SSBP2: variants seen among roughly 807,000 people sequenced by gnomAD.
The protein encoded by SSBP2 is single stranded DNA binding protein 2.
A neutral mutation model predicts 61.8 loss-of-function variants in SSBP2; 17 were observed. The ratio of observed to expected loss-of-function variants is 0.28; its 90% CI spans 0.19 to 0.41. The LOEUF is 0.41. Ranked by LOEUF, SSBP2 falls within the 10% of genes least tolerant of loss-of-function variation. The probability of loss-of-function intolerance (pLI) is 1.00; values close to 1 mark genes in which losing one functional copy is unlikely to be tolerated. For synonymous variants in SSBP2, 139 were observed against 141.3 expected, an observed-to-expected ratio of 0.98 and a Z score of 0.12; for missense variants, 310 against 458.7, an observed-to-expected ratio of 0.68 and a Z score of 2.96.
At chr5:81,472,263 T>A (rs1765297403) in intron 8 of SSBP2, among the ~76,000 whole-genome samples, 1 of 152,148 alleles carries the variant, frequency 6.6e-6, no homozygotes, top group Non-Finnish European at 1.5e-5. Context: ...CAAGAAGCTT[T>A]CCCAAGAGAG....
intron 10 of SSBP2, among the ~76,000 whole-genome samples, chr5:81,458,279 G>T (rs141844688): frequency 1.4e-4 from 21 of 152,252 alleles, no homozygotes; most frequent in Middle Eastern, 3.4e-3. Context: ...TTAGAAAATA[G>T]CATTACATCA....
At chr5:81,451,540 C>T (rs2153980495) in intron 10 of SSBP2, among the ~76,000 whole-genome samples, 1 of 152,276 alleles carries the variant, frequency 6.6e-6, no homozygotes, top group South Asian at 2.1e-4. Context: ...GATTGTCCTG[C>T]CTCAGCCTCC....
rs144252433 is a variant in SSBP2, at chr5:81,463,520, C to T, written c.639-2417G>A. Among the ~76,000 whole-genome samples the T allele has an allele frequency of 7.6e-3, 1,150 of 151,816 alleles. 8 individuals are homozygous for T. The highest frequency in any genetic ancestry group is 0.025 in the African/African-American group (1,029 of 41,406). On this transcript the variant is annotated intron_variant, in intron 9 of 16. Transcript: ENST00000320672. The stretch of plus-strand genomic sequence containing the variant: ...TTGAAGGCCATTCTGAGCAACATGT[C>T]GAAACCCCATCTACACAAAAAATAC...
chr5:81,718,364 G>A (rs1173464964), intron 1 of SSBP2, among the ~76,000 whole-genome samples: 1 of 151,958 alleles, frequency 6.6e-6, no homozygotes, highest in Non-Finnish European at 1.5e-5. Flanking sequence ...CGAATGCTGA[G>A]AAAAAATAGC....
intron 1 of SSBP2, among the ~76,000 whole-genome samples, chr5:81,740,849 C>T (rs1756969169): frequency 6.6e-6 from 1 of 152,178 alleles, no homozygotes; most frequent in Non-Finnish European, 1.5e-5. Context: ...CTGTGGGGCA[C>T]TTTTGGTACC....
At chr5:81,628,424 A>G (rs990748509) in intron 3 of SSBP2, among the ~76,000 whole-genome samples, 2 of 152,202 alleles carry the variant, frequency 1.3e-5, no homozygotes, top group Admixed American at 1.3e-4. Flanking sequence ...CAGCCAAACT[A>G]TATCAAGAGA....
At chr5:81,445,316 T>C (rs1763337180) in intron 12 of SSBP2, among the ~76,000 whole-genome samples, 1 of 150,388 alleles carries the variant, frequency 6.6e-6, no homozygotes, top group South Asian at 2.1e-4. Flanking sequence ...GATGAACACA[T>C]AAAAGAGTAT....
chr5:81,711,884 A>C (rs1754809411), intron 1 of SSBP2, among the ~76,000 whole-genome samples: 1 of 151,892 alleles, frequency 6.6e-6, no homozygotes, highest in African/African-American at 2.4e-5. Context: ...CGGTTTCCTC[A>C]CCTGTAAAGG....
At chr5:81,447,436 G>C (rs927096327) in intron 11 of SSBP2, among the ~76,000 whole-genome samples, 5 of 152,166 alleles carry the variant, frequency 3.3e-5, no homozygotes, top group African/African-American at 1.2e-4. Context: ...TTAGAAATGA[G>C]AGGCAAAGTT....
At chr5:81,540,705 T>C (rs1387469756) in intron 4 of SSBP2, among the ~76,000 whole-genome samples, 3 of 152,190 alleles carry the variant, frequency 2.0e-5, no homozygotes, top group East Asian at 3.8e-4. Flanking sequence ...ATAATGTACA[T>C]ATAACTTTTA....
chr5:81,580,313 CAG>C (rs1173203397), intron 4 of SSBP2, among the ~76,000 whole-genome samples: 1 of 151,938 alleles, frequency 6.6e-6, no homozygotes, highest in Non-Finnish European at 1.5e-5. Context: ...GAGAAAAAAA[CAG>C]GGGTAGTACC....
At chr5:81,426,188 CCTCT>C (rs1350307837) in intron 16 of SSBP2, among the ~76,000 whole-genome samples, 15 of 152,184 alleles carry the variant, frequency 9.9e-5, no homozygotes, top group Admixed American at 6.5e-5. Flanking sequence ...TGTCTTTCTT[CCTCT>C]CTCCTCTTAT....
chr5:81,630,317 C>G (rs1030577394), intron 3 of SSBP2, among the ~76,000 whole-genome samples: 2 of 152,258 alleles, frequency 1.3e-5, no homozygotes, highest in Middle Eastern at 6.8e-3. Flanking sequence ...GGTCAGGCAT[C>G]TGCTGGATTT....
At chr5:81,587,418 T>C (rs1449591919) in intron 4 of SSBP2, among the ~76,000 whole-genome samples, 1 of 152,062 alleles carries the variant, frequency 6.6e-6, no homozygotes, top group African/African-American at 2.4e-5. Context: ...AGGGTATCAG[T>C]GTGTACACGT....
chr5:81,561,742 T>C (rs902248375), intron 4 of SSBP2, among the ~76,000 whole-genome samples: 2 of 152,086 alleles, frequency 1.3e-5, no homozygotes, highest in Admixed American at 6.6e-5. Flanking sequence ...TGCATCAAGA[T>C]AGCAATTGTA....
chr5:81,620,110 C>T (rs376926546), intron 3 of SSBP2, among the ~76,000 whole-genome samples: 99 of 98,298 alleles, frequency 1.0e-3, no homozygotes, highest in Non-Finnish European at 1.6e-3. Flanking sequence ...CCAGGGCAAT[C>T]AGGCAGGAGA....
At chr5:81,548,660 C>T (rs543338796) in intron 4 of SSBP2, among the ~76,000 whole-genome samples, 4 of 152,270 alleles carry the variant, frequency 2.6e-5, no homozygotes, top group East Asian at 1.9e-4. Flanking sequence ...CAGTGGCTCA[C>T]GCCTGTAATC....
chr5:81,549,192 AC>A (rs925131541), intron 4 of SSBP2, among the ~76,000 whole-genome samples: 1 of 152,316 alleles, frequency 6.6e-6, no homozygotes, highest in African/African-American at 2.4e-5. Flanking sequence ...TTCAATCACT[AC>A]CACACCTTAA....
intron 4 of SSBP2, chr5:81,615,065 T>C (rs1436438314): frequency 6.3e-6 from 1 of 158,066 alleles, no homozygotes; most frequent in African/African-American, 2.4e-5. Flanking sequence ...CCAAAAGTTA[T>C]AAAAGGAGAA....
Sources: allele counts gnomAD v4.1 joint callset (sites outside exome capture counted in the v4.1 genomes callset), GRCh38; gene constraint gnomAD v4.1.1; transcripts MANE v1.5; gene names NCBI Gene and HGNC (gene_info 2026-07-23, HGNC 2026-07-21).